ERMP1: variants seen among roughly 807,000 people sequenced by gnomAD.
ERMP1 encodes endoplasmic reticulum metallopeptidase 1.
In ERMP1, 86 loss-of-function variants were observed where a neutral mutation model predicts 92.0. That is an observed-to-expected ratio of 0.93 (90% CI 0.79 to 1.12). The LOEUF is 1.12. Ranked by LOEUF, ERMP1 falls within the 50% of genes most tolerant of loss-of-function variation. ERMP1 has a pLI of 0.00. For missense variants in ERMP1, 1,342 were observed against 1,116.3 expected (o/e 1.20, Z -2.88); for synonymous variants, 530 against 412.8 (o/e 1.28, Z -3.44).
chr9:5,863,483 G>A (rs1383639944), intron 5 of ERMP1, among the ~76,000 whole-genome samples: 2 of 152,196 alleles, frequency 1.3e-5, no homozygotes, highest in South Asian at 4.1e-4. Context: ...GGCAAAGCCT[G>A]CCCTACCCAG....
At chr9:5,809,621 A>G (rs1251770172) in intron 8 of ERMP1, among the ~76,000 whole-genome samples, 3 of 152,372 alleles carry the variant, frequency 2.0e-5, no homozygotes, top group African/African-American at 7.2e-5. Flanking sequence ...AGCACAGAGG[A>G]TACAGAAATA....
chr9:5,858,393 C>T (rs1830410454), intron 6 of ERMP1, among the ~76,000 whole-genome samples: 1 of 152,198 alleles, frequency 6.6e-6, no homozygotes, highest in South Asian at 2.1e-4. Context: ...CGAGGACAAG[C>T]AAGACTTGGG....
At chr9:5,820,413 G>T (rs1829486793) in intron 4 of ERMP1, among the ~76,000 whole-genome samples, 1 of 152,158 alleles carries the variant, frequency 6.6e-6, no homozygotes, top group African/African-American at 2.4e-5. Flanking sequence ...AAAAATTCTA[G>T]AAGAGTATAG....
chr9:5,838,232 T>C (rs1830116393), intron 6 of ERMP1, among the ~76,000 whole-genome samples: 1 of 152,174 alleles, frequency 6.6e-6, no homozygotes, highest in African/African-American at 2.4e-5. Flanking sequence ...TTATGGAAGA[T>C]GTACCAGGAG....
intron 3 of ERMP1, among the ~76,000 whole-genome samples, 173 bp downstream of exon 3, chr9:5,824,919 T>C (rs1366143343): frequency 2.0e-5 from 3 of 152,216 alleles, no homozygotes; most frequent in African/African-American, 7.2e-5. Context: ...CATCTCTACA[T>C]AAGTGGTTGT....
At chr9:5,841,430 G>T (rs1409433031) in intron 6 of ERMP1, among the ~76,000 whole-genome samples, 1 of 152,228 alleles carries the variant, frequency 6.6e-6, no homozygotes, top group Non-Finnish European at 1.5e-5. Flanking sequence ...CAGGTTGGTG[G>T]TTAGAACGGA....
intron 13 of ERMP1, among the ~76,000 whole-genome samples, chr9:5,791,992 G>C (rs1828216894): frequency 6.6e-6 from 1 of 152,188 alleles, no homozygotes; most frequent in African/African-American, 2.4e-5. Context: ...GAAATGATGG[G>C]AGAGGAGGGC....
Position 5,809,859 on chromosome 9 carries a change from T to C in ERMP1, c.1548+152A>G. ...CATTACCCTCAGAATAAGAAATCTT[T>C]CAGAAAATTAACACAGTGTAGGTGC... is the stretch of plus-strand genomic sequence containing the variant. On this transcript the variant is annotated intron_variant, in intron 8 of 14. Coordinates refer to ENST00000339450, the MANE Select transcript of ERMP1 (RefSeq NM_024896.3). 3 of 601,040 alleles carry C rather than the reference T, an allele frequency of 5.0e-6. No homozygotes were observed. In the South Asian group the frequency reaches 6.2e-5, roughly 12 times the overall value. 37.2% of individuals were successfully genotyped at this position (601,040 alleles called of 1,614,324 possible).
At chr9:5,845,003 G>A (rs1328225844) in intron 6 of ERMP1, among the ~76,000 whole-genome samples, 5 of 152,114 alleles carry the variant, frequency 3.3e-5, no homozygotes, top group South Asian at 2.1e-4. Context: ...CTGCCAAAGC[G>A]AACAGGGGAA....
intron 6 of ERMP1, among the ~76,000 whole-genome samples, chr9:5,846,820 G>A (rs918079340): frequency 6.6e-5 from 10 of 152,182 alleles, no homozygotes; most frequent in South Asian, 2.1e-4. Context: ...ACATTTCCCC[G>A]TTCTATTTGA....
chr9:5,863,333 G>T (rs1017914264), intron 5 of ERMP1, among the ~76,000 whole-genome samples: 1 of 152,138 alleles, frequency 6.6e-6, no homozygotes, highest in African/African-American at 2.4e-5. Flanking sequence ...CCTGGGATTT[G>T]GCATATCCCA....
chr9:5,843,069 G>C (rs757709301), intron 6 of ERMP1, among the ~76,000 whole-genome samples: 1 of 152,238 alleles, frequency 6.6e-6, no homozygotes, highest in Admixed American at 6.5e-5. Context: ...TATTATGTCA[G>C]CAAGGTAATT....
At chr9:5,836,187 CTGTCAGGAT>C (rs1830094098), upstream of ERMP1, among the ~76,000 whole-genome samples, 1 of 152,218 alleles carries the variant, frequency 6.6e-6, no homozygotes, top group African/African-American at 2.4e-5. Context: ...GACATATGAG[CTGTCAGGAT>C]TCAGGTGAAC....
Position 5,810,128 on chromosome 9 carries a change from A to G in ERMP1, c.1431T>C (p.Leu477=). 1 of 1,613,930 alleles carries G rather than the reference A, an allele frequency of 6.2e-7. No individual in the cohort carries two copies. The highest frequency in any genetic ancestry group is 1.1e-5 in the South Asian group (1 of 91,080). The change falls in exon 8 of 15, where the codon CTT becomes CTC. Residue 477 remains leucine (L), a synonymous_variant. Coordinates refer to ENST00000339450, the MANE Select transcript of ERMP1 (RefSeq NM_024896.3). ...TVLIIAVFIS[L]IGQSLSWYNH... is the part of the protein sequence containing the mutation. ...TATACCATGAGAGAGACTGTCCAAT[A>G]AGAGAGATGAACACTGCTATAATGA...
chr9:5,814,209 G>A (rs1829216979), intron 4 of ERMP1, among the ~76,000 whole-genome samples: 1 of 152,116 alleles, frequency 6.6e-6, no homozygotes, highest in Non-Finnish European at 1.5e-5. Flanking sequence ...ATCCCAGAAT[G>A]AATAAGACAC....
chr9:5,842,145 G>A (rs1830172707), intron 6 of ERMP1, among the ~76,000 whole-genome samples: 1 of 152,210 alleles, frequency 6.6e-6, no homozygotes, highest in South Asian at 2.1e-4. Flanking sequence ...CAAGGGGACT[G>A]GAGCAGGTTG....
Position 5,832,801 on chromosome 9 carries a change from C to T in ERMP1, c.227G>A (p.Gly76Glu). The stretch of plus-strand genomic sequence containing the variant: ...CAGCGCGATCAGGTAGAGCGCGAGC[C>T]CCAGCGCGGCGCGCACCTCAGACAG... ...TGLSEVRAAL[G>E]LALYLIALRT... The change falls in exon 1 of 15, where the codon GGG (glycine) becomes GAG (glutamate). Residue 76 changes from glycine to glutamate, a missense_variant. Gly to Glu is a moderately conservative substitution (Grantham distance 98). Coordinates refer to ENST00000339450, the MANE Select transcript of ERMP1 (RefSeq NM_024896.3). 1.3e-6 allele frequency: 2 copies of T among 1,502,072 alleles called. No homozygotes were observed. Among genetic ancestry groups the T allele is most frequent in the Non-Finnish European group, 1.8e-6 (2 of 1,133,712 alleles). The allele number at this position is 1,502,072 out of a possible 1,614,324, so 93.0% of individuals were successfully genotyped here.
rs73390181 is a variant in ERMP1, at chr9:5,829,125, G to C, written c.640+1602C>G. 6.6e-3 allele frequency among the ~76,000 whole-genome samples: 973 copies of C among 147,358 alleles called. 13 individuals are homozygous for C. The highest frequency in any genetic ancestry group is 0.023 in the African/African-American group (925 of 39,956). On this transcript the variant is annotated intron_variant, in intron 2 of 14. Transcript: ENST00000339450. ...AGCCGAGTGTGGTGGCACAGTAGGA[G>C]AATCGCTTAAACCCGGGAGGCAGAG...
Position 5,851,338 on chromosome 9 carries a change from G to A in ERMP1, n.3199+8130C>T, listed in dbSNP as rs185149000. Among the ~76,000 whole-genome samples the A allele has an allele frequency of 5.9e-5, 9 of 152,192 alleles. No homozygotes were observed. The East Asian group carries it at 1.3e-3, about 23-fold the overall frequency. On this transcript the variant is annotated intron_variant and non_coding_transcript_variant, in intron 6 of 6. Transcript: ENST00000690753. ...TGTTTCTGTTTACCTATTTTTTACA[G>A]AGAAATGTCCTTTTTTGATTTATTC...
Sources: gnomAD v4.1 joint callset for allele counts (sites outside exome capture counted in the v4.1 genomes callset) on GRCh38, gnomAD v4.1.1 for gene constraint, MANE v1.5 for transcripts, NCBI Gene and HGNC (gene_info 2026-07-23, HGNC 2026-07-21) for gene names.